The following NEK1 variants were observed in gnomAD, a reference collection of about 807,000 sequenced individuals.
NEK1 encodes NIMA related kinase 1, also known as serine/threonine-protein kinase Nek1.
In NEK1, 137 loss-of-function variants were observed where a neutral mutation model predicts 182.1. The observed-to-expected ratio is 0.75, with a 90% CI of 0.65 to 0.87. NEK1 has a LOEUF of 0.87. NEK1 is among the 40% of genes least tolerant of loss of function. NEK1 has a pLI of 0.00. For synonymous variants in NEK1, 513 were observed against 492.2 expected, an observed-to-expected ratio of 1.04 and a Z score of -0.56; for missense variants, 1,391 against 1,494.4, an observed-to-expected ratio of 0.93 and a Z score of 1.14.
intron 18 of NEK1, among the ~76,000 whole-genome samples, chr4:169,550,294 A>G (rs1273482937): frequency 6.6e-6 from 1 of 152,154 alleles, no homozygotes; most frequent in Non-Finnish European, 1.5e-5. Context: ...TGTGAGGCCT[A>G]CCCAGCCATG....
At chr4:169,410,143 C>T (rs1026012883) in intron 31 of NEK1, among the ~76,000 whole-genome samples, 16 of 152,010 alleles carry the variant, frequency 1.1e-4, no homozygotes, top group Admixed American at 1.0e-3. Context: ...AGAACTCTTT[C>T]TGAAAATAAC....
At chr4:169,440,614 C>G (rs1186524817) in intron 27 of NEK1, among the ~76,000 whole-genome samples, 1 of 152,166 alleles carries the variant, frequency 6.6e-6, no homozygotes, top group Non-Finnish European at 1.5e-5. Context: ...TGGGGAACCT[C>G]TGAGGCATGG....
chr4:169,496,878 G>A (rs1303342640), intron 23 of NEK1, among the ~76,000 whole-genome samples: 2 of 152,048 alleles, frequency 1.3e-5, no homozygotes, highest in African/African-American at 4.8e-5. Context: ...TTTTTGTTGT[G>A]TCTCTGCCAG....
At chr4:169,481,626 G>A (rs1296084458) in intron 23 of NEK1, among the ~76,000 whole-genome samples, 1 of 152,142 alleles carries the variant, frequency 6.6e-6, no homozygotes, top group East Asian at 1.9e-4. Flanking sequence ...GGTCTCAACA[G>A]TGGGCTTAAA....
At chr4:169,503,446 G>C (rs1752738556) in intron 23 of NEK1, among the ~76,000 whole-genome samples, 1 of 152,046 alleles carries the variant, frequency 6.6e-6, no homozygotes, top group African/African-American at 2.4e-5. Flanking sequence ...CAAAACTGGA[G>C]GAATCACATT....
chr4:169,431,979 G>T (rs1215963502), intron 29 of NEK1, among the ~76,000 whole-genome samples: 1 of 151,220 alleles, frequency 6.6e-6, no homozygotes, highest in African/African-American at 2.4e-5. Context: ...AGAAAAAATA[G>T]TTGCAATTCA....
At chr4:169,427,783 A>T (rs1396555136) in intron 29 of NEK1, among the ~76,000 whole-genome samples, 2 of 152,122 alleles carry the variant, frequency 1.3e-5, no homozygotes. Context: ...GGCATAAGCC[A>T]CCATGTCCAG....
intron 27 of NEK1, among the ~76,000 whole-genome samples, chr4:169,440,349 T>A (rs1431683022): frequency 6.6e-6 from 1 of 152,152 alleles, no homozygotes; most frequent in Non-Finnish European, 1.5e-5. Context: ...AAAATTTTTT[T>A]AAAGGGATAT....
At chr4:169,459,045 G>GA (rs59040365) in intron 27 of NEK1, among the ~76,000 whole-genome samples, 4,646 of 142,858 alleles carry the variant, frequency 0.033, 93 homozygotes, top group South Asian at 0.037. Flanking sequence ...TCCAAAATCT[G>GA]AAAAAAAAAA....
chr4:169,586,029 T>C (rs539204485), intron 9 of NEK1, among the ~76,000 whole-genome samples: 7 of 152,110 alleles, frequency 4.6e-5, no homozygotes, highest in Non-Finnish European at 1.0e-4. Context: ...CAATGCTCAC[T>C]ATTATGTGTG....
At chr4:169,504,422 C>T (rs1373972774) in intron 23 of NEK1, among the ~76,000 whole-genome samples, 3 of 152,146 alleles carry the variant, frequency 2.0e-5, no homozygotes, top group African/African-American at 2.4e-5. Context: ...TCAGAGATAT[C>T]CGCACTCCCA....
chr4:169,597,776 T>C (rs1769790756), intron 5 of NEK1, among the ~76,000 whole-genome samples: 2 of 151,432 alleles, frequency 1.3e-5, no homozygotes, highest in South Asian at 4.2e-4. Flanking sequence ...CTCCTAAAAA[T>C]ACAAAAAATT....
chr4:169,587,645 A>C, intron 8 of NEK1, 32 bp from the exon 9 acceptor site: 1 of 1,373,862 alleles, frequency 7.3e-7, no homozygotes, highest in South Asian at 1.3e-5. Flanking sequence ...AATTTCCTCT[A>C]AGTATTTCAA....
intron 27 of NEK1, among the ~76,000 whole-genome samples, chr4:169,461,961 A>G (rs1744052544): frequency 6.6e-6 from 1 of 152,110 alleles, no homozygotes; most frequent in Admixed American, 6.6e-5. Flanking sequence ...CTCAGTTCCA[A>G]TTCTGTGCAA....
chr4:169,460,038 T>C (rs950484888), intron 27 of NEK1, among the ~76,000 whole-genome samples: 1 of 152,122 alleles, frequency 6.6e-6, no homozygotes, highest in African/African-American at 2.4e-5. Flanking sequence ...GTGATAATGA[T>C]GTGTCAACAT....
chr4:169,430,070 T>C (rs1737135159), intron 29 of NEK1, among the ~76,000 whole-genome samples: 1 of 152,228 alleles, frequency 6.6e-6, no homozygotes, highest in African/African-American at 2.4e-5. Flanking sequence ...CTTTACCATT[T>C]ATTAAATTTC....
chr4:169,538,789 T>A (rs972831005), intron 18 of NEK1, among the ~76,000 whole-genome samples: 1 of 152,164 alleles, frequency 6.6e-6, no homozygotes, highest in East Asian at 1.9e-4. Flanking sequence ...TTTGGGACCA[T>A]AACTAAATTA....
At chr4:169,597,786 T>C (rs1395328361) in intron 5 of NEK1, among the ~76,000 whole-genome samples, 3 of 151,486 alleles carry the variant, frequency 2.0e-5, no homozygotes, top group African/African-American at 7.3e-5. Context: ...TACAAAAAAT[T>C]AGCCAGGCGT....
Position 169,477,135 on chromosome 4 carries a change from GAGA to G in NEK1, c.2420_2422del (p.Phe807del). On this transcript the variant is annotated inframe_deletion, in exon 26 of 36. Coordinates refer to ENST00000507142, the MANE Select transcript of NEK1 (RefSeq NM_001199397.3). ...ACTACTATACATACTTTCAGTTGTA[GAGA>G]AGGATGTATCTAGTGTTAACTCATC... 6.3e-7 allele frequency: 1 copy of G among 1,593,364 alleles called. No individual in the cohort carries two copies. Among genetic ancestry groups the G allele is most frequent in the Non-Finnish European group, 8.6e-7 (1 of 1,167,176 alleles).
Sources: allele counts gnomAD v4.1 joint callset (sites outside exome capture counted in the v4.1 genomes callset), GRCh38; gene constraint gnomAD v4.1.1; transcripts MANE v1.5; gene names NCBI Gene and HGNC (gene_info 2026-07-23, HGNC 2026-07-21).